The following WASHC4 variants were observed in gnomAD, a reference collection of about 807,000 sequenced individuals.
WASHC4 encodes WASH complex subunit 7.
A neutral mutation model predicts 166.6 loss-of-function variants in WASHC4; 86 were observed. The ratio of observed to expected loss-of-function variants is 0.52; its 90% CI spans 0.43 to 0.62. WASHC4 has a LOEUF of 0.62. WASHC4 is among the 20% of genes least tolerant of loss of function. The pLI, the probability that WASHC4 is intolerant of heterozygous loss-of-function variation, is 0.00. For missense variants in WASHC4, 1,262 were observed against 1,382.4 expected, an observed-to-expected ratio of 0.91 and a Z score of 1.38; for synonymous variants, 446 against 451.6, an observed-to-expected ratio of 0.99 and a Z score of 0.16.
chr12:105,122,374 T>TA (rs1880844828), intron 10 of WASHC4, 136 bp downstream of exon 10: 1 of 843,574 alleles, frequency 1.2e-6, no homozygotes, highest in Admixed American at 2.1e-5. Flanking sequence ...AAATTATTGT[T>TA]ACAGTACTAA....
In WASHC4 at chr12:105,167,373, T is replaced by A. The variant is rs1467448143; in HGVS notation, c.*442T>A. The A allele has an allele frequency of 5.9e-6, 1 of 169,770 alleles. No individual in the cohort carries two copies. The highest frequency in any genetic ancestry group is 1.4e-4 in the South Asian group (1 of 7,214). 10.5% of individuals were successfully genotyped at this position (169,770 alleles called of 1,614,324 possible). A position where few individuals can be genotyped will look rare whatever the true frequency, so the allele number is the denominator to read the frequency against. On this transcript the variant is annotated 3_prime_UTR_variant, in exon 33 of 33. Transcript: ENST00000332180. ...ACAAAAGGAATGAGCCTGAAGTTCA[T>A]AAAGAATACATATCAATATTCTTAT...
rs760402524 is a variant in WASHC4 at position 105,107,875 on chromosome 12, A to G, written c.61+14A>G. The G allele has an allele frequency of 5.8e-6, 9 of 1,541,112 alleles. No individual in the cohort carries two copies. The East Asian group carries it at 2.0e-4, about 34-fold the overall frequency. ...ACGGCTCGCAGAGTAAGGGAGCTGC[A>G]GGGCGAGGGCTGCGGGTGGACGCTC... On this transcript the variant is annotated intron_variant, in intron 1 of 32. Transcript: ENST00000332180.
chr12:105,112,031 G>A (rs1201658), intron 2 of WASHC4, among the ~76,000 whole-genome samples: 75,734 of 152,036 alleles, frequency 0.5, 18,974 homozygotes, highest in Middle Eastern at 0.68. Context: ...ACCATGTACC[G>A]TGTGATAATC....
At chr12:105,132,797 TGTGTGTGTG>T (rs1881975251) in intron 13 of WASHC4, among the ~76,000 whole-genome samples, 2 of 94,280 alleles carry the variant, frequency 2.1e-5, no homozygotes, top group Admixed American at 9.6e-5. Context: ...AGTGTGTGTG[TGTGTGTGTG>T]TGTGTGTGTG....
At chr12:105,162,648 T>G in intron 29 of WASHC4, 101 bp from the exon 30 acceptor site, 1 of 695,492 alleles carries the variant, frequency 1.4e-6, no homozygotes, top group Non-Finnish European at 2.6e-6. Context: ...TCTATTCTAT[T>G]TATAGTGATT....
intron 26 of WASHC4, among the ~76,000 whole-genome samples, chr12:105,155,879 T>A (rs1884127709): frequency 6.6e-6 from 1 of 151,970 alleles, no homozygotes; most frequent in African/African-American, 2.4e-5. Flanking sequence ...TAACTTAGTT[T>A]TTAAAAATTC....
chr12:105,149,693 AGATT>A lies in WASHC4; in HGVS notation c.2598_2601del (p.Ile867LysfsTer34). ...TATGTATGATGAACACATCAAATCC[AGATT>A]GATTAAAGATATTCGATTTTTCAGG... On this transcript the variant is annotated frameshift_variant, in exon 25 of 33. Coordinates refer to ENST00000332180, the MANE Select transcript of WASHC4 (RefSeq NM_015275.3). LOFTEE classifies it high-confidence loss of function. 1 of 1,581,522 alleles carries A rather than the reference AGATT, an allele frequency of 6.3e-7. No individual in the cohort carries two copies. The highest frequency in any genetic ancestry group is 8.7e-7 in the Non-Finnish European group (1 of 1,152,296).
At chr12:105,122,531 A>G (rs1242515684) in intron 10 of WASHC4, among the ~76,000 whole-genome samples, 2 of 151,812 alleles carry the variant, frequency 1.3e-5, no homozygotes, top group Non-Finnish European at 2.9e-5. Context: ...ATCTTGTTTT[A>G]TTGCATTTCG....
At chr12:105,118,745 A>G (rs1880431848) in intron 7 of WASHC4, among the ~76,000 whole-genome samples, 1 of 152,212 alleles carries the variant, frequency 6.6e-6, no homozygotes, top group Non-Finnish European at 1.5e-5. Context: ...CAGTGTCTAC[A>G]GAACAATCTT....
At chr12:105,142,161 A>G (rs946792519) in intron 18 of WASHC4, among the ~76,000 whole-genome samples, 25 of 152,154 alleles carry the variant, frequency 1.6e-4, no homozygotes, top group Non-Finnish European at 2.9e-5. Context: ...TGGTCAATAA[A>G]TGTTTATTTT....
At chr12:105,163,972 A>C (rs190112218) in intron 30 of WASHC4, 139 bp from the exon 31 acceptor site, 1 of 751,598 alleles carries the variant, frequency 1.3e-6, no homozygotes, top group Non-Finnish European at 2.2e-6. Flanking sequence ...ATGCTGTAAA[A>C]TGTAACTTGA....
At chr12:105,114,890 A>G (rs1438569384) in intron 4 of WASHC4, among the ~76,000 whole-genome samples, 2 of 151,990 alleles carry the variant, frequency 1.3e-5, no homozygotes, top group African/African-American at 2.4e-5. Context: ...CTGCTTTTTG[A>G]TACCATGTGG....
chr12:105,164,565 A>T lies in WASHC4; in HGVS notation c.3355-76A>T, dbSNP rs1884695219. 2.9e-6 allele frequency: 3 copies of T among 1,051,656 alleles called. No homozygotes were observed. The African/African-American group carries it at 4.8e-5, about 17-fold the overall frequency. 65.1% of individuals were successfully genotyped at this position (1,051,656 alleles called of 1,614,324 possible). The stretch of plus-strand genomic sequence containing the variant: ...TTTTAAAAATAATAATAAGAGGCAT[A>T]AAAATGCATATATTTTTGGTATTTT... On this transcript the variant is annotated intron_variant, in intron 31 of 32. Transcript: ENST00000332180.
In WASHC4 at chr12:105,127,145, TAACTGCTAA is replaced by T. The variant is rs1431974330; in HGVS notation, c.1056_1064del (p.Thr353_Asn355del). Reference sequence around the variant, plus strand: ...CTGTTTCAGGTACCAGCCATCACTCTAACTGCTAATATTATTTGGTTTCCTGATAATTTT... The same window carrying T: ...CTGTTTCAGGTACCAGCCATCACTCTTATTATTTGGTTTCCTGATAATTTT... On this transcript the variant is annotated inframe_deletion, in exon 13 of 33. Transcript: ENST00000332180. 1 of 1,613,164 alleles carries T rather than the reference TAACTGCTAA, an allele frequency of 6.2e-7. No homozygotes were observed. The highest frequency in any genetic ancestry group is 8.5e-7 in the Non-Finnish European group (1 of 1,179,242).
At chr12:105,148,764 G>T in intron 24 of WASHC4, 1 of 985,404 alleles carries the variant, frequency 1.0e-6, no homozygotes, top group Non-Finnish European at 1.2e-6. Flanking sequence ...TTGAGAGTTA[G>T]TGGGGTTGGA....
intron 32 of WASHC4, among the ~76,000 whole-genome samples, chr12:105,166,490 CTGTAATGGTTCTTTCT>C (rs1439992142): frequency 6.6e-6 from 1 of 152,066 alleles, no homozygotes; most frequent in Non-Finnish European, 1.5e-5. Flanking sequence ...TGACAATGTA[CTGTAATGGTTCTTTCT>C]TGGCCCAGCT....
chr12:105,125,925 G>T, intron 10 of WASHC4, 79 bp from the exon 11 acceptor site: 1 of 1,288,170 alleles, frequency 7.8e-7, no homozygotes, highest in Non-Finnish European at 1.1e-6. Flanking sequence ...ATCATACACT[G>T]TATTTAGTGT....
At chr12:105,116,573 A>G (rs1419690818) in intron 6 of WASHC4, among the ~76,000 whole-genome samples, 42 of 152,186 alleles carry the variant, frequency 2.8e-4, no homozygotes, top group Non-Finnish European at 5.3e-4. Flanking sequence ...CAGGTAATAA[A>G]ATACCGTATA....
chr12:105,158,907 ATAC>A (rs1156397801), intron 28 of WASHC4, among the ~76,000 whole-genome samples: 2 of 152,198 alleles, frequency 1.3e-5, no homozygotes, highest in Non-Finnish European at 2.9e-5. Context: ...GGTGTTCATT[ATAC>A]TATATTTTAA....
Sources: allele counts gnomAD v4.1 joint callset (sites outside exome capture counted in the v4.1 genomes callset), GRCh38; gene constraint gnomAD v4.1.1; transcripts MANE v1.5; gene names NCBI Gene and HGNC (gene_info 2026-07-23, HGNC 2026-07-21).